The following HS3ST4 variants were observed in gnomAD, a reference collection of about 807,000 sequenced individuals.
The protein encoded by HS3ST4 is heparan sulfate-glucosamine 3-sulfotransferase 4, also known as heparan sulfate glucosamine 3-O-sulfotransferase 4.
In HS3ST4, 17 loss-of-function variants were observed where a neutral mutation model predicts 29.2. The observed-to-expected ratio is 0.58, with a 90% CI of 0.40 to 0.87. The LOEUF (loss-of-function observed/expected upper bound fraction) is 0.87, where lower values mean the gene tolerates loss of function less well. Among genes scored for constraint, HS3ST4 ranks in the 40% least tolerant of loss-of-function variants. The pLI is 0.00. For missense variants in HS3ST4, 627 were observed against 634.5 expected (o/e 0.99, Z 0.13); for synonymous variants, 314 against 285.7 (o/e 1.10, Z -1.00).
chr16:25,864,930 A>G (rs1967678055), intron 1 of HS3ST4, among the ~76,000 whole-genome samples: 1 of 113,912 alleles, frequency 8.8e-6, no homozygotes, highest in African/African-American at 3.3e-5. Flanking sequence ...ATGGAATATT[A>G]TATATATACA....
chr16:26,120,476 C>T (rs919712712), intron 1 of HS3ST4, among the ~76,000 whole-genome samples: 5 of 152,170 alleles, frequency 3.3e-5, no homozygotes, highest in Admixed American at 1.3e-4. Context: ...GTTCTTCTGT[C>T]GTAGCCAAAT....
chr16:26,068,223 A>T (rs1003602133), intron 1 of HS3ST4, among the ~76,000 whole-genome samples: 1 of 152,168 alleles, frequency 6.6e-6, no homozygotes, highest in Non-Finnish European at 1.5e-5. Flanking sequence ...GATAGACATT[A>T]TTCTAATCAG....
chr16:25,732,465 T>G (rs1966576677), intron 1 of HS3ST4, among the ~76,000 whole-genome samples: 1 of 152,222 alleles, frequency 6.6e-6, no homozygotes, highest in African/African-American at 2.4e-5. Flanking sequence ...AATGCATGAT[T>G]ATTTTCATGC....
chr16:26,086,629 A>C (rs889315847), intron 1 of HS3ST4, among the ~76,000 whole-genome samples: 1 of 152,106 alleles, frequency 6.6e-6, no homozygotes, highest in Non-Finnish European at 1.5e-5. Flanking sequence ...GATTACAGGC[A>C]TGAGCCACCA....
chr16:25,989,522 T>C (rs1404632297), intron 1 of HS3ST4, among the ~76,000 whole-genome samples: 1 of 152,228 alleles, frequency 6.6e-6, no homozygotes, highest in South Asian at 2.1e-4. Flanking sequence ...CTCAGCTATA[T>C]AAATTAGTTG....
chr16:25,906,499 A>C (rs997341401), intron 1 of HS3ST4, among the ~76,000 whole-genome samples: 1 of 152,164 alleles, frequency 6.6e-6, no homozygotes, highest in African/African-American at 2.4e-5. Context: ...AGCAGTAACC[A>C]TGAGAAAGTC....
chr16:25,831,794 A>T (rs1967304106), intron 1 of HS3ST4, among the ~76,000 whole-genome samples: 1 of 152,156 alleles, frequency 6.6e-6, no homozygotes, highest in South Asian at 2.1e-4. Context: ...AGATTTGGTT[A>T]GGATATGAAT....
intron 1 of HS3ST4, among the ~76,000 whole-genome samples, chr16:25,772,528 G>T (rs556459648): frequency 9.2e-5 from 14 of 152,282 alleles, no homozygotes; most frequent in African/African-American, 2.9e-4. Context: ...TGATCCAAGT[G>T]AAAATGTTCA....
At chr16:26,114,813 C>A (rs1899179954) in intron 1 of HS3ST4, among the ~76,000 whole-genome samples, 1 of 152,098 alleles carries the variant, frequency 6.6e-6, no homozygotes, top group Non-Finnish European at 1.5e-5. Context: ...GGGCAATTTA[C>A]CAGTATCTTA....
In HS3ST4 at chr16:25,828,305, TCTCTCTC is replaced by T. The variant is rs1567249544; in HGVS notation, c.734+135155_734+135161del. ...CTTTCTTTCTTTCTTTCTTTCCCTC[TCTCTCTC>T]TCTCTCTCTCTCTCTCTCTCTCTCT... On this transcript the variant is annotated intron_variant, in intron 1 of 1. Coordinates refer to ENST00000331351, the MANE Select transcript of HS3ST4 (RefSeq NM_006040.3). 1.1e-3 allele frequency among the ~76,000 whole-genome samples: 85 copies of T among 76,150 alleles called. 4 individuals are homozygous for T. Among genetic ancestry groups the T allele is most frequent in the Admixed American group, 2.2e-3 (14 of 6,230 alleles). 50.0% of individuals were successfully genotyped at this position (76,150 alleles called of 152,430 possible). A position where few individuals can be genotyped will look rare whatever the true frequency, so the allele number is the denominator to read the frequency against.
At chr16:25,821,630 T>C (rs975948750) in intron 1 of HS3ST4, among the ~76,000 whole-genome samples, 6 of 152,202 alleles carry the variant, frequency 3.9e-5, no homozygotes, top group African/African-American at 1.4e-4. Flanking sequence ...AAATTGCTTT[T>C]AGAAAGGCTT....
At chr16:25,837,669 A>G (rs1967371500) in intron 1 of HS3ST4, among the ~76,000 whole-genome samples, 1 of 152,176 alleles carries the variant, frequency 6.6e-6, no homozygotes, top group Non-Finnish European at 1.5e-5. Flanking sequence ...TCACTGAAGA[A>G]ATATGTGTAA....
chr16:25,698,351 G>A (rs570205989), intron 1 of HS3ST4, among the ~76,000 whole-genome samples: 24 of 147,218 alleles, frequency 1.6e-4, no homozygotes, highest in African/African-American at 5.8e-4. Flanking sequence ...TCCACTTGGA[G>A]GGAACAGCCA....
chr16:25,738,852 T>C (rs1966631150), intron 1 of HS3ST4, among the ~76,000 whole-genome samples: 1 of 152,226 alleles, frequency 6.6e-6, no homozygotes, highest in Non-Finnish European at 1.5e-5. Flanking sequence ...CTTTGTAATA[T>C]AACTTGAAGC....
chr16:26,016,311 A>G (rs1969361998), intron 1 of HS3ST4, among the ~76,000 whole-genome samples: 1 of 152,214 alleles, frequency 6.6e-6, no homozygotes, highest in African/African-American at 2.4e-5. Flanking sequence ...TCTAGGTCAG[A>G]GTAACTCATA....
intron 1 of HS3ST4, among the ~76,000 whole-genome samples, chr16:26,109,337 C>A (rs527325014): frequency 3.9e-5 from 6 of 152,154 alleles, no homozygotes; most frequent in Non-Finnish European, 8.8e-5. Flanking sequence ...CGCACACAAT[C>A]TTTTCTGCAT....
chr16:25,941,934 T>A (rs1291663368), intron 1 of HS3ST4, among the ~76,000 whole-genome samples: 1 of 152,220 alleles, frequency 6.6e-6, no homozygotes, highest in Non-Finnish European at 1.5e-5. Context: ...GCAGGATCTT[T>A]GTCTGATTGT....
chr16:25,981,523 G>A (rs1969005233), intron 1 of HS3ST4, among the ~76,000 whole-genome samples: 1 of 151,604 alleles, frequency 6.6e-6, no homozygotes, highest in African/African-American at 2.4e-5. Flanking sequence ...TCACACCTGA[G>A]CTCAGATCTC....
rs1221471216 is a variant in HS3ST4 at position 26,136,070 on chromosome 16, A to G, written c.1193A>G (p.Lys398Arg). The G allele has an allele frequency of 1.2e-6, 2 of 1,613,718 alleles. No homozygotes were observed. Among genetic ancestry groups the G allele is most frequent in the Admixed American group, 1.7e-5 (1 of 59,984 alleles). The part of the protein sequence containing the change: ...FNKTKGFPCL[K>R]KPEDSSAPRC... ...AAAACCAAGGGGTTCCCTTGCCTAA[A>G]GAAGCCAGAAGACAGCAGTGCCCCG... The change falls in exon 2 of 2, where the codon AAG (lysine) becomes AGG (arginine). Residue 398 changes from lysine (K) to arginine (R), a missense_variant. By Grantham distance (26) the Lys-to-Arg change is conservative. Coordinates refer to ENST00000331351, the MANE Select transcript of HS3ST4 (RefSeq NM_006040.3).
Sources: allele counts gnomAD v4.1 joint callset (sites outside exome capture counted in the v4.1 genomes callset), GRCh38; gene constraint gnomAD v4.1.1; transcripts MANE v1.5; gene names NCBI Gene and HGNC (gene_info 2026-07-23, HGNC 2026-07-21).